Variants in MED13L observed in about 807,000 individuals in gnomAD.
MED13L encodes mediator of RNA polymerase II transcription subunit 13-like.
Under a neutral mutation model 220.9 loss-of-function variants are expected in MED13L, and 7 were observed. That is an observed-to-expected ratio of 0.03 (90% CI 0.02 to 0.06). The LOEUF (loss-of-function observed/expected upper bound fraction) is 0.06, where lower values mean the gene tolerates loss of function less well. MED13L is among the 10% of genes least tolerant of loss of function. The pLI is 1.00. For synonymous variants in MED13L, 1,011 were observed against 1,015.2 expected (o/e 1.00, Z 0.08); for missense variants, 1,965 against 2,760.5 (o/e 0.71, Z 6.46).
chr12:116,274,741 TAAA>T (rs958234751), intron 1 of MED13L, among the ~76,000 whole-genome samples: 5 of 147,768 alleles, frequency 3.4e-5, no homozygotes, highest in Non-Finnish European at 6.0e-5. Flanking sequence ...TACGTTCCTT[TAAA>T]AAAAAAAATC....
chr12:115,989,321 T>C (rs1877903260), intron 17 of MED13L, among the ~76,000 whole-genome samples: 1 of 152,138 alleles, frequency 6.6e-6, no homozygotes, highest in Non-Finnish European at 1.5e-5. Flanking sequence ...TGCATTTTAA[T>C]GCCTGTCAAT....
In MED13L at chr12:115,959,387, T is replaced by C. The variant is rs1227558991; in HGVS notation, c.*1879A>G. The C allele has an allele frequency of 6.6e-6, 1 of 150,428 alleles. No individual in the cohort carries two copies. The highest frequency in any genetic ancestry group is 1.9e-4 in the East Asian group (1 of 5,162). 9.3% of individuals were successfully genotyped at this position (150,428 alleles called of 1,614,324 possible). A position where few individuals can be genotyped will look rare whatever the true frequency, so the allele number is the denominator to read the frequency against. ...GCCCCTGCATTAAAAACAGCCCATT[T>C]AAAAAAAAAATTCAAAGTTCTGATG... is the stretch of plus-strand genomic sequence containing the variant. On this transcript the variant is annotated 3_prime_UTR_variant, in exon 31 of 31. Coordinates refer to ENST00000281928, the MANE Select transcript of MED13L (RefSeq NM_015335.5).
intron 2 of MED13L, among the ~76,000 whole-genome samples, chr12:116,208,323 G>A (rs1001977547): frequency 1.3e-5 from 2 of 152,234 alleles, no homozygotes. Flanking sequence ...TTGAACTCAG[G>A]AGGTGGAGGT....
chr12:116,214,656 T>A (rs1882895005), intron 2 of MED13L, among the ~76,000 whole-genome samples: 1 of 152,200 alleles, frequency 6.6e-6, no homozygotes, highest in Admixed American at 6.5e-5. Context: ...CTTGATCTCC[T>A]TTAAACAATT....
chr12:116,246,529 C>T (rs536304021), intron 1 of MED13L, among the ~76,000 whole-genome samples: 2 of 151,028 alleles, frequency 1.3e-5, no homozygotes, highest in South Asian at 4.2e-4. Flanking sequence ...GAAAAGTAAG[C>T]AGGCTGGGCC....
intron 4 of MED13L, among the ~76,000 whole-genome samples, chr12:116,095,120 C>T (rs1872544753): frequency 6.6e-6 from 1 of 152,138 alleles, no homozygotes; most frequent in Admixed American, 6.5e-5. Flanking sequence ...CGAGATCACG[C>T]CACTGGCACT....
Position 115,975,620 on chromosome 12 carries a change from A to G in MED13L, c.5483T>C (p.Val1828Ala). Reference sequence around the variant, plus strand: ...CTGGTCGTGAGACAGACAATAGCCCACGAAGAGCACATTGTATTTCTGGCT... The same window carrying G: ...CTGGTCGTGAGACAGACAATAGCCCGCGAAGAGCACATTGTATTTCTGGCT... ...EASQKYNVLFVGYCLSHDQRW... is the reference protein window; with the variant it reads ...EASQKYNVLFAGYCLSHDQRW... Residue 1828 changes from valine (V) to alanine (A), a missense_variant, in exon 24 of 31, where the codon GTG (valine) becomes GCG (alanine). Coordinates refer to ENST00000281928, the MANE Select transcript of MED13L (RefSeq NM_015335.5). 1 of 1,614,128 alleles carries G rather than the reference A, an allele frequency of 6.2e-7. No homozygotes were observed. The highest frequency in any genetic ancestry group is 8.5e-7 in the Non-Finnish European group (1 of 1,180,014).
intron 2 of MED13L, among the ~76,000 whole-genome samples, chr12:116,211,433 T>C (rs1157203617): frequency 1.3e-5 from 2 of 151,006 alleles, no homozygotes; most frequent in Admixed American, 1.3e-4. Flanking sequence ...AAAAAAAAAA[T>C]GCACCTTTAA....
At chr12:116,183,812 G>GTGTGTA (rs1880696106) in intron 2 of MED13L, among the ~76,000 whole-genome samples, 2 of 85,354 alleles carry the variant, frequency 2.3e-5, no homozygotes, top group East Asian at 3.0e-4. Context: ...TGGTGTGTGT[G>GTGTGTA]TGTGTGTATG....
Position 115,996,505 on chromosome 12 carries a change from A to C in MED13L, c.2967T>G (p.Pro989=). ...AGCCATCTCTAATGAAAGTGGCTGC[A>C]GGGGGCATGGGCAGTTGTTCAATTT... The part of the protein sequence containing the change: ...PPKIEQLPMP[P]AATFIRDGYN... The change falls in exon 16 of 31, where the codon CCT becomes CCG. Residue 989 remains proline, a synonymous_variant. Coordinates refer to ENST00000281928, the MANE Select transcript of MED13L (RefSeq NM_015335.5). The C allele has an allele frequency of 6.2e-7, 1 of 1,614,198 alleles. No individual in the cohort carries two copies. The highest frequency in any genetic ancestry group is 8.5e-7 in the Non-Finnish European group (1 of 1,179,998).
At chr12:116,033,669 C>G (rs912843196) in intron 4 of MED13L, among the ~76,000 whole-genome samples, 12 of 152,164 alleles carry the variant, frequency 7.9e-5, no homozygotes, top group African/African-American at 2.9e-4. Context: ...ATCCTCACTC[C>G]TACACGTCAC....
intron 1 of MED13L, among the ~76,000 whole-genome samples, chr12:116,267,813 T>C (rs1277488378): frequency 2.6e-5 from 4 of 152,240 alleles, no homozygotes; most frequent in South Asian, 2.1e-4. Context: ...TTGCCTACTA[T>C]GCTACAGAAA....
chr12:116,146,207 C>G (rs1877498299), intron 2 of MED13L, among the ~76,000 whole-genome samples: 1 of 152,134 alleles, frequency 6.6e-6, no homozygotes, highest in Admixed American at 6.5e-5. Context: ...ACTGCAACCT[C>G]CACCTCCTGG....
rs1873941572 is a variant in MED13L, at chr12:116,277,197, G to A, written c.-66C>T. The A allele has an allele frequency of 1.0e-5, 12 of 1,162,206 alleles. No individual in the cohort carries two copies. Among genetic ancestry groups the A allele is most frequent in the Non-Finnish European group, 1.3e-5 (12 of 900,510 alleles). 72.0% of individuals were successfully genotyped at this position (1,162,206 alleles called of 1,614,324 possible). A position where few individuals can be genotyped will look rare whatever the true frequency, so the allele number is the denominator to read the frequency against. On this transcript the variant is annotated 5_prime_UTR_variant, in exon 1 of 31. Transcript: ENST00000281928. ...AGCGAGGCGTCCGAGGCGAGGCCGG[G>A]CCGGGCGGCGGCGCCTCGCCGGGGA...
intron 16 of MED13L, 82 bp from the exon 17 acceptor site, chr12:115,992,039 A>C: frequency 8.4e-7 from 1 of 1,186,856 alleles, no homozygotes; most frequent in Non-Finnish European, 1.2e-6. Context: ...CCAGCCATGT[A>C]CTGTGTATTT....
At chr12:116,191,705 G>A (rs966204468) in intron 2 of MED13L, among the ~76,000 whole-genome samples, 1 of 151,948 alleles carries the variant, frequency 6.6e-6, no homozygotes, top group African/African-American at 2.4e-5. Context: ...GTTTTGCCAG[G>A]CCCGGTGGCT....
chr12:116,218,030 T>C (rs528270189), intron 2 of MED13L, among the ~76,000 whole-genome samples: 1 of 152,322 alleles, frequency 6.6e-6, no homozygotes, highest in East Asian at 1.9e-4. Context: ...CTCGTTGAAT[T>C]GAATTATACA....
At chr12:116,214,671 C>G (rs1882895280) in intron 2 of MED13L, among the ~76,000 whole-genome samples, 1 of 152,052 alleles carries the variant, frequency 6.6e-6, no homozygotes, top group African/African-American at 2.4e-5. Context: ...ACAATTCAGA[C>G]AGGGGTAAGA....
intron 2 of MED13L, among the ~76,000 whole-genome samples, chr12:116,130,659 T>C (rs940051167): frequency 6.6e-6 from 1 of 152,122 alleles, no homozygotes; most frequent in Non-Finnish European, 1.5e-5. Flanking sequence ...AGATGGATCA[T>C]TGTATCTGCC....
Sources: allele counts gnomAD v4.1 joint callset (sites outside exome capture counted in the v4.1 genomes callset), GRCh38; gene constraint gnomAD v4.1.1; transcripts MANE v1.5; gene names NCBI Gene and HGNC (gene_info 2026-07-23, HGNC 2026-07-21).